The following NCBP2L variants were observed in gnomAD, a reference collection of about 807,000 sequenced individuals.
NCBP2L encodes nuclear cap-binding protein subunit 2-like.
For synonymous variants in NCBP2L, 39 were observed against 19.2 expected (o/e 2.04, Z -2.70); for missense variants, 95 against 53.1 (o/e 1.79, Z -2.45).
intron 1 of NCBP2L, among the ~76,000 whole-genome samples, chrX:107,780,079 A>G (rs1209062198): frequency 5.4e-5 from 6 of 110,862 alleles, no homozygotes; most frequent in African/African-American, 1.6e-4. Context: ...TTCTAAGGCC[A>G]GGTGCTGTGG....
chrX:107,786,344 GT>G (rs1356126924), intron 1 of NCBP2L, among the ~76,000 whole-genome samples: 2 of 112,175 alleles, frequency 1.8e-5, no homozygotes, highest in Non-Finnish European at 3.8e-5. Context: ...CACAAAAGAT[GT>G]TTTTAGCTTT....
chrX:107,786,092 C>T (rs995041735), intron 1 of NCBP2L, among the ~76,000 whole-genome samples: 1 of 111,323 alleles, frequency 9.0e-6, no homozygotes, highest in Non-Finnish European at 1.9e-5. Flanking sequence ...CAGATTGATC[C>T]ATTTGCCCTA....
chrX:107,780,603 T>G (rs889320480), intron 1 of NCBP2L, among the ~76,000 whole-genome samples: 13 of 106,474 alleles, frequency 1.2e-4, no homozygotes, highest in Admixed American at 1.2e-3. Flanking sequence ...CCAGGATGGC[T>G]ACATTAGAAT....
At chrX:107,781,831 G>GATATCTATATTTATATAT (rs1264531000) in intron 1 of NCBP2L, among the ~76,000 whole-genome samples, 2 of 35,332 alleles carry the variant, frequency 5.7e-5, no homozygotes, top group Admixed American at 3.0e-4. Flanking sequence ...TATATATAGA[G>GATATCTATATTTATATAT]AGATATATAT....
chrX:107,778,856 T>C (rs779835461), intron 1 of NCBP2L, among the ~76,000 whole-genome samples: 1 of 112,248 alleles, frequency 8.9e-6, no homozygotes, highest in Non-Finnish European at 1.9e-5. Context: ...AAAGACTTCA[T>C]GGTCTAGCTG....
At chrX:107,790,749 G>C (rs1254733189) in intron 1 of NCBP2L, among the ~76,000 whole-genome samples, 1 of 111,813 alleles carries the variant, frequency 8.9e-6, no homozygotes, top group Admixed American at 9.5e-5. Flanking sequence ...GGAGTGGGAA[G>C]AAGACTTCCT....
chrX:107,778,628 GAGAGACTCCA>G (rs1930222749), intron 1 of NCBP2L, among the ~76,000 whole-genome samples: 1 of 112,149 alleles, frequency 8.9e-6, no homozygotes. Context: ...GCGTTGGATG[GAGAGACTCCA>G]AGCAGCAAAA....
intron 1 of NCBP2L, among the ~76,000 whole-genome samples, chrX:107,780,629 CTTTTTTT>C (rs984996831): frequency 3.0e-3 from 254 of 85,493 alleles, no homozygotes; most frequent in Non-Finnish European, 4.9e-3. Flanking sequence ...GGGAAGTTCA[CTTTTTTT>C]TTTTTTTTTT....
At chrX:107,791,250 C>CA (rs1556347230) in intron 1 of NCBP2L, among the ~76,000 whole-genome samples, 4 of 105,861 alleles carry the variant, frequency 3.8e-5, no homozygotes, top group African/African-American at 1.4e-4. Flanking sequence ...TACATTTATA[C>CA]TTTTTTTTTT....
intron 1 of NCBP2L, among the ~76,000 whole-genome samples, chrX:107,791,242 C>A (rs1257479407): frequency 9.0e-6 from 1 of 110,498 alleles, no homozygotes; most frequent in African/African-American, 3.3e-5. Flanking sequence ...TAATACTTTA[C>A]ATTTATACTT....
chrX:107,789,434 C>T (rs1043603519), intron 1 of NCBP2L, among the ~76,000 whole-genome samples: 1 of 110,988 alleles, frequency 9.0e-6, no homozygotes, highest in African/African-American at 3.3e-5. Flanking sequence ...CTATCCCCAA[C>T]TGGCATTTGC....
intron 1 of NCBP2L, among the ~76,000 whole-genome samples, chrX:107,781,676 A>ATCTCTCTCTCTCTCTC (rs1252852252): frequency 3.6e-4 from 20 of 55,873 alleles, no homozygotes; most frequent in Middle Eastern, 0.011. Flanking sequence ...CTATCTATCT[A>ATCTCTCTCTCTCTCTC]TCTCTCTCTC....
intron 1 of NCBP2L, among the ~76,000 whole-genome samples, chrX:107,778,672 G>A (rs1407232615): frequency 4.5e-5 from 5 of 112,070 alleles, no homozygotes; most frequent in East Asian, 2.8e-4. Flanking sequence ...CTAAGAAAGC[G>A]GAGGGGGGCC....
At chrX:107,790,770 A>G (rs770058119) in intron 1 of NCBP2L, among the ~76,000 whole-genome samples, 1 of 111,617 alleles carries the variant, frequency 9.0e-6, no homozygotes, top group Non-Finnish European at 1.9e-5. Flanking sequence ...TTTTCCACCT[A>G]TTTGTACATT....
chrX:107,782,202 TATATATAA>T lies in NCBP2L; in HGVS notation c.-73+4352_-73+4359del, dbSNP rs1296420902. Among the ~76,000 whole-genome samples, 24 of 16,091 alleles carry T rather than the reference TATATATAA, an allele frequency of 1.5e-3. 4 individuals carry two copies. The highest frequency in any genetic ancestry group is 5.3e-3 in the African/African-American group (24 of 4,530). The allele number at this position is 16,091 out of a possible 115,157, so 14.0% of individuals were successfully genotyped here. ...ATATAAATATATATATATAAATATA[TATATATAA>T]ATATATATATAAATATATATATATA... On this transcript the variant is annotated intron_variant, in intron 1 of 1. Transcript: ENST00000509000.
In NCBP2L at chrX:107,788,297, ATAGAT is replaced by A. The variant is rs772456444; in HGVS notation, c.-72-5848_-72-5844del. Reference sequence around the variant, plus strand: ...GGTGTTCATTGCAGCCTCCACATGAATAGATTAGGTAAGTTCACATTCTATCACTG... The same window carrying A: ...GGTGTTCATTGCAGCCTCCACATGAATAGGTAAGTTCACATTCTATCACTG... On this transcript the variant is annotated intron_variant, in intron 1 of 1. Transcript: ENST00000509000. 7.6e-4 allele frequency among the ~76,000 whole-genome samples: 85 copies of A among 112,250 alleles called. 1 individual carries two copies. The highest frequency in any genetic ancestry group is 1.2e-3 in the Non-Finnish European group (65 of 53,175).
intron 1 of NCBP2L, 78 bp from the exon 2 acceptor site, chrX:107,794,071 C>T (rs1243578519): frequency 2.4e-5 from 10 of 416,983 alleles, no homozygotes; most frequent in Middle Eastern, 1.3e-3. Flanking sequence ...TATCTGAACA[C>T]AAATATGTTA....
chrX:107,782,354 TATATATATATATAA>T lies in NCBP2L; in HGVS notation c.-73+4510_-73+4523del, dbSNP rs1385832415. Among the ~76,000 whole-genome samples the T allele has an allele frequency of 2.6e-4, 10 of 38,736 alleles. 1 individual carries two copies. Among genetic ancestry groups the T allele is most frequent in the African/African-American group, 2.3e-3 (9 of 3,892 alleles). The allele number at this position is 38,736 out of a possible 115,157, so 33.6% of individuals were successfully genotyped here. ...ATATATATAAATATATATATATAAA[TATATATATATATAA>T]ATATATATATATATATACCCACACA... On this transcript the variant is annotated intron_variant, in intron 1 of 1. Transcript: ENST00000509000.
intron 1 of NCBP2L, among the ~76,000 whole-genome samples, chrX:107,792,514 T>C (rs1930466773): frequency 8.9e-6 from 1 of 112,064 alleles, no homozygotes; most frequent in South Asian, 3.7e-4. Context: ...TCAAATGACA[T>C]CTAAATAGGG....
Sources: allele counts gnomAD v4.1 joint callset (sites outside exome capture counted in the v4.1 genomes callset), GRCh38; gene constraint gnomAD v4.1.1; transcripts MANE v1.5; gene names NCBI Gene and HGNC (gene_info 2026-07-23, HGNC 2026-07-21).